The following KAZN variants were observed in gnomAD, a reference collection of about 807,000 sequenced individuals.
KAZN encodes the protein kazrin.
Under a neutral mutation model 87.4 loss-of-function variants are expected in KAZN, and 40 were observed. That is an observed-to-expected ratio of 0.46 (90% confidence interval 0.36 to 0.60). The LOEUF is 0.60. KAZN is among the 20% of genes least tolerant of loss of function. The pLI is 0.00. For missense variants in KAZN, 898 were observed against 1,073.9 expected (o/e 0.84, Z 2.29); for synonymous variants, 466 against 458.3 (o/e 1.02, Z -0.22).
At chr1:14,352,481 A>T (rs1571367042) in intron 2 of KAZN, among the ~76,000 whole-genome samples, 1 of 152,172 alleles carries the variant, frequency 6.6e-6, no homozygotes, top group South Asian at 2.1e-4. Context: ...TGAACCCTAT[A>T]AAAAGCACCA....
chr1:15,061,438 T>G (rs1638788845), intron 6 of KAZN: 1 of 152,228 alleles, frequency 6.6e-6, no homozygotes, highest in Non-Finnish European at 1.5e-5. Flanking sequence ...GGACTTTAGA[T>G]GGCCTCCTCA....
At chr1:14,997,220 T>TC (rs1161246757) in intron 2 of KAZN, among the ~76,000 whole-genome samples, 12 of 96,110 alleles carry the variant, frequency 1.2e-4, no homozygotes, top group African/African-American at 6.6e-4. Context: ...TTTATTTATT[T>TC]ATTTATTTAT....
At chr1:14,397,631 C>T (rs549417290) in intron 2 of KAZN, among the ~76,000 whole-genome samples, 341 of 151,860 alleles carry the variant, frequency 2.2e-3, no homozygotes, top group African/African-American at 6.2e-3. Flanking sequence ...CCGAGGCGGG[C>T]GGATCACCTG....
At chr1:14,047,180 G>T (rs1642112209) in intron 1 of KAZN, among the ~76,000 whole-genome samples, 1 of 152,068 alleles carries the variant, frequency 6.6e-6, no homozygotes, top group South Asian at 2.1e-4. Flanking sequence ...CTGAATCCTG[G>T]TGCTCTTCAC....
chr1:14,457,697 C>T (rs1329446517), intron 2 of KAZN, among the ~76,000 whole-genome samples: 2 of 152,128 alleles, frequency 1.3e-5, no homozygotes, highest in Admixed American at 6.5e-5. Flanking sequence ...GGATTGTTAT[C>T]ACTATAAGAT....
intron 1 of KAZN, among the ~76,000 whole-genome samples, chr1:14,697,531 A>G (rs943585571): frequency 2.0e-5 from 3 of 152,122 alleles, no homozygotes; most frequent in African/African-American, 7.2e-5. Flanking sequence ...CCCATTTCTC[A>G]TTGATTTACA....
intron 1 of KAZN, among the ~76,000 whole-genome samples, chr1:13,938,632 G>C (rs1640826992): frequency 6.6e-6 from 1 of 152,222 alleles, no homozygotes; most frequent in African/African-American, 2.4e-5. Flanking sequence ...TACTAGGGCA[G>C]TGGCGAAGGA....
intron 1 of KAZN, among the ~76,000 whole-genome samples, chr1:14,061,202 GT>G (rs779596058): frequency 6.6e-6 from 1 of 152,212 alleles, no homozygotes; most frequent in Non-Finnish European, 1.5e-5. Context: ...GATAACAGTG[GT>G]TATAGTAGAG....
At chr1:14,978,440 G>A (rs1365560832) in intron 2 of KAZN, among the ~76,000 whole-genome samples, 1 of 152,174 alleles carries the variant, frequency 6.6e-6, no homozygotes, top group East Asian at 1.9e-4. Context: ...ATGTGGTCTT[G>A]TTGATGGGAC....
At chr1:14,582,573 A>C (rs1168277625) in intron 2 of KAZN, among the ~76,000 whole-genome samples, 1 of 152,158 alleles carries the variant, frequency 6.6e-6, no homozygotes, top group Non-Finnish European at 1.5e-5. Flanking sequence ...ACTTGTTCCC[A>C]AATCTGGGAC....
chr1:14,751,656 G>T (rs1236252464), intron 1 of KAZN, among the ~76,000 whole-genome samples: 1 of 152,188 alleles, frequency 6.6e-6, no homozygotes, highest in African/African-American at 2.4e-5. Flanking sequence ...GCTCTTAACT[G>T]CTGGGCTACA....
chr1:14,351,987 A>C (rs1658583787), intron 2 of KAZN, among the ~76,000 whole-genome samples: 1 of 152,230 alleles, frequency 6.6e-6, no homozygotes, highest in Non-Finnish European at 1.5e-5. Context: ...AAATGTAACA[A>C]AAATTTTGAA....
At chr1:15,068,557 G>A (rs999341722) in intron 8 of KAZN, among the ~76,000 whole-genome samples, 11 of 151,926 alleles carry the variant, frequency 7.2e-5, no homozygotes, top group South Asian at 2.1e-4. Context: ...GGACCTCTGC[G>A]CGTCCCACGA....
At chr1:14,611,000 A>T (rs1204895403) in intron 1 of KAZN, among the ~76,000 whole-genome samples, 1 of 152,218 alleles carries the variant, frequency 6.6e-6, no homozygotes, top group Non-Finnish European at 1.5e-5. Flanking sequence ...CCTGGACAGC[A>T]AGTGGTCCAG....
intron 2 of KAZN, among the ~76,000 whole-genome samples, chr1:14,266,710 G>T (rs1056833690): frequency 6.6e-6 from 1 of 152,048 alleles, no homozygotes; most frequent in Admixed American, 6.5e-5. Context: ...AGGGACACTC[G>T]CACCCCCCCA....
intron 2 of KAZN, among the ~76,000 whole-genome samples, chr1:14,296,629 C>CTT (rs775666706): frequency 0.046 from 3,788 of 82,532 alleles, 141 homozygotes; most frequent in African/African-American, 0.066. Context: ...TTTTGTATTT[C>CTT]TTTTTTTTTT....
chr1:14,901,466 C>G (rs1002741947), intron 1 of KAZN, among the ~76,000 whole-genome samples: 6 of 151,940 alleles, frequency 3.9e-5, no homozygotes, highest in Non-Finnish European at 8.8e-5. Flanking sequence ...AGTGGAGGAC[C>G]CCAGGCAGGG....
chr1:14,121,735 T>A (rs1644755833), intron 1 of KAZN, among the ~76,000 whole-genome samples: 1 of 152,160 alleles, frequency 6.6e-6, no homozygotes, highest in Non-Finnish European at 1.5e-5. Flanking sequence ...AAGGTGTAAG[T>A]TCTGTGAAAA....
chr1:14,999,505 CCCGCCCCGCCAT>C (rs1557701556), intron 2 of KAZN, among the ~76,000 whole-genome samples: 29 of 137,950 alleles, frequency 2.1e-4, no homozygotes, highest in African/African-American at 9.4e-4. Flanking sequence ...CCCCCCTCCC[CCCGCCCCGCCAT>C]CCAGACCTTG....
Sources: allele counts gnomAD v4.1 joint callset (sites outside exome capture counted in the v4.1 genomes callset), GRCh38; gene constraint gnomAD v4.1.1; transcripts MANE v1.5; gene names NCBI Gene and HGNC (gene_info 2026-07-23, HGNC 2026-07-21).